FGGY: variants seen among roughly 807,000 people sequenced by gnomAD.
FGGY encodes the protein FGGY carbohydrate kinase domain containing.
In FGGY, 72 loss-of-function variants were observed where a neutral mutation model predicts 71.3. The observed-to-expected ratio is 1.01, with a 90% CI of 0.84 to 1.23. FGGY has a LOEUF of 1.23. Among genes scored for constraint, FGGY ranks in the 50% most tolerant of loss-of-function variants. The pLI is 0.00. For synonymous variants in FGGY, 251 were observed against 250.3 expected, an observed-to-expected ratio of 1.00 and a Z score of -0.02; for missense variants, 668 against 682.3, an observed-to-expected ratio of 0.98 and a Z score of 0.23.
intron 1 of FGGY, among the ~76,000 whole-genome samples, chr1:59,302,707 G>GA (rs148776218): frequency 0.02 from 3,059 of 149,556 alleles, 105 homozygotes; most frequent in African/African-American, 0.072. Context: ...AAGAGGATTA[G>GA]AAAAAAAAAT....
At chr1:59,601,320 T>C (rs2096575780) in intron 8 of FGGY, among the ~76,000 whole-genome samples, 1 of 152,088 alleles carries the variant, frequency 6.6e-6, no homozygotes, top group Non-Finnish European at 1.5e-5. Flanking sequence ...AGCCCAGTCA[T>C]CTCTCCCAGA....
intron 5 of FGGY, among the ~76,000 whole-genome samples, chr1:59,416,487 A>C (rs1019486038): frequency 6.6e-6 from 1 of 152,220 alleles, no homozygotes; most frequent in African/African-American, 2.4e-5. Flanking sequence ...AATGCCTTAC[A>C]TATACTATAT....
intron 4 of FGGY, among the ~76,000 whole-genome samples, chr1:59,374,989 G>A (rs973897451): frequency 3.3e-5 from 5 of 150,966 alleles, no homozygotes; most frequent in African/African-American, 9.7e-5. Context: ...TGGGTGCAGC[G>A]CACCAGCATG....
chr1:59,377,464 G>T (rs2058802796), intron 4 of FGGY, among the ~76,000 whole-genome samples: 7 of 152,116 alleles, frequency 4.6e-5, no homozygotes, highest in Admixed American at 3.3e-4. Flanking sequence ...ATGAGATCTT[G>T]TGAGAACTCA....
At chr1:59,373,216 A>C (rs2058022788) in intron 4 of FGGY, among the ~76,000 whole-genome samples, 1 of 152,148 alleles carries the variant, frequency 6.6e-6, no homozygotes, top group Admixed American at 6.5e-5. Flanking sequence ...GCAAAGTCTC[A>C]GGATACAAAA....
At chr1:59,370,503 C>T (rs540970249) in intron 4 of FGGY, among the ~76,000 whole-genome samples, 1 of 152,166 alleles carries the variant, frequency 6.6e-6, no homozygotes, top group Non-Finnish European at 1.5e-5. Context: ...TCCAGGAGAA[C>T]TTCCCCAATC....
rs74974853 is a variant in FGGY, at chr1:59,508,413, T to A, written c.671-3898T>A. 3.0e-4 allele frequency among the ~76,000 whole-genome samples: 46 copies of A among 152,360 alleles called. 2 individuals are homozygous for A. The East Asian group carries it at 8.9e-3, about 29-fold the overall frequency. On this transcript the variant is annotated intron_variant, in intron 6 of 15. Transcript: ENST00000303721. ...TGCTTGAATGAAGCCTAGAAAGAAC[T>A]GCAAATGCTCAGGCAGTGAAGTCTT...
intron 5 of FGGY, among the ~76,000 whole-genome samples, chr1:59,447,242 T>C (rs1377848102): frequency 6.6e-6 from 1 of 152,236 alleles, no homozygotes; most frequent in Non-Finnish European, 1.5e-5. Context: ...CTCATTTTAA[T>C]CTTCCTAAGG....
chr1:59,753,161 A>G lies in FGGY; in HGVS notation c.1513-4770A>G, dbSNP rs545178173. Among the ~76,000 whole-genome samples the G allele has an allele frequency of 2.0e-5, 3 of 152,202 alleles. No individual in the cohort carries two copies. The East Asian group carries it at 5.8e-4, about 29-fold the overall frequency. ...GAATTTGGAGGCCAACTTCAAATAA[A>G]CCCTTTGGAACAGAAATATATTGTG... On this transcript the variant is annotated intron_variant, in intron 14 of 15. Coordinates refer to ENST00000303721, the MANE Select transcript of FGGY (RefSeq NM_018291.5).
intron 11 of FGGY, among the ~76,000 whole-genome samples, chr1:59,653,772 C>T (rs140475550): frequency 1.6e-4 from 24 of 152,330 alleles, no homozygotes; most frequent in Non-Finnish European, 2.8e-4. Context: ...CATCTTGGCT[C>T]CTCCTCCTGC....
chr1:59,498,055 C>T (rs1420383728), intron 6 of FGGY, among the ~76,000 whole-genome samples: 2 of 152,176 alleles, frequency 1.3e-5, no homozygotes, highest in Non-Finnish European at 2.9e-5. Context: ...TGTACCCCAA[C>T]CTGTGCCACT....
At chr1:59,594,462 G>A (rs1400428808) in intron 8 of FGGY, among the ~76,000 whole-genome samples, 1 of 152,124 alleles carries the variant, frequency 6.6e-6, no homozygotes. Flanking sequence ...ATTCAAGAGG[G>A]CCTCATAACT....
chr1:59,439,479 T>C (rs2069248443), intron 5 of FGGY, among the ~76,000 whole-genome samples: 1 of 152,112 alleles, frequency 6.6e-6, no homozygotes, highest in Non-Finnish European at 1.5e-5. Context: ...GTGTAATCCA[T>C]TCCTCTCTCT....
At chr1:59,700,597 G>A (rs546087394) in intron 14 of FGGY, among the ~76,000 whole-genome samples, 2 of 152,266 alleles carry the variant, frequency 1.3e-5, no homozygotes, top group East Asian at 1.9e-4. Context: ...CCTTTGGAGT[G>A]TGCACGTCTC....
At chr1:59,460,227 A>G (rs2092064932) in intron 6 of FGGY, among the ~76,000 whole-genome samples, 2 of 152,034 alleles carry the variant, frequency 1.3e-5, no homozygotes, top group African/African-American at 4.8e-5. Flanking sequence ...GTCTTAGCAA[A>G]CGGCACACCA....
chr1:59,578,351 T>C (rs1274708115), intron 8 of FGGY, among the ~76,000 whole-genome samples: 5 of 151,914 alleles, frequency 3.3e-5, no homozygotes, highest in African/African-American at 4.8e-5. Flanking sequence ...GAGGACATAA[T>C]GAAGCCAGAT....
intron 7 of FGGY, among the ~76,000 whole-genome samples, chr1:59,542,675 C>T (rs61787058): frequency 2.8e-4 from 42 of 152,038 alleles, no homozygotes; most frequent in African/African-American, 5.8e-4. Context: ...AGGCTGGTCT[C>T]GAGCTCCCAA....
At chr1:59,539,434 G>T (rs545378781) in intron 7 of FGGY, among the ~76,000 whole-genome samples, 42 of 152,252 alleles carry the variant, frequency 2.8e-4, no homozygotes, top group African/African-American at 8.7e-4. Context: ...AGATTAAGGA[G>T]CCCAGAAACA....
chr1:59,370,909 C>G (rs959976754), intron 4 of FGGY, among the ~76,000 whole-genome samples: 2 of 152,038 alleles, frequency 1.3e-5, no homozygotes, highest in African/African-American at 4.8e-5. Context: ...GAAGGAAGCA[C>G]TAAACATGGA....
Sources: allele counts gnomAD v4.1 joint callset (sites outside exome capture counted in the v4.1 genomes callset), GRCh38; gene constraint gnomAD v4.1.1; transcripts MANE v1.5; gene names NCBI Gene and HGNC (gene_info 2026-07-23, HGNC 2026-07-21).